INPP4B: variants seen among roughly 807,000 people sequenced by gnomAD.
INPP4B encodes inositol polyphosphate 4-phosphatase type II.
Under a neutral mutation model 122.5 loss-of-function variants are expected in INPP4B, and 55 were observed. The ratio of observed to expected loss-of-function variants is 0.45; its 90% CI spans 0.36 to 0.56. INPP4B has a LOEUF of 0.56. Ranked by LOEUF, INPP4B falls within the 20% of genes least tolerant of loss-of-function variation. INPP4B has a pLI of 0.00. For synonymous variants in INPP4B, 403 were observed against 388.7 expected (o/e 1.04, Z -0.43); for missense variants, 1,000 against 1,097.7 (o/e 0.91, Z 1.26).
intron 1 of INPP4B, among the ~76,000 whole-genome samples, chr4:142,762,840 G>C (rs1385679607): frequency 6.6e-6 from 1 of 152,152 alleles, no homozygotes; most frequent in Non-Finnish European, 1.5e-5. Context: ...GCATTAAGAA[G>C]TAGGGCTTTT....
chr4:142,065,365 C>T (rs1449483745), intron 25 of INPP4B, among the ~76,000 whole-genome samples: 2 of 151,988 alleles, frequency 1.3e-5, no homozygotes, highest in Non-Finnish European at 2.9e-5. Flanking sequence ...AAGGAAACTA[C>T]AAAATTAAAG....
chr4:142,540,904 C>A (rs1481740542), intron 2 of INPP4B, among the ~76,000 whole-genome samples: 1 of 152,118 alleles, frequency 6.6e-6, no homozygotes, highest in Non-Finnish European at 1.5e-5. Context: ...GTTCTGGCCA[C>A]AAACAAATAT....
At chr4:142,296,586 T>A (rs1022524781) in intron 9 of INPP4B, among the ~76,000 whole-genome samples, 21 of 152,372 alleles carry the variant, frequency 1.4e-4, no homozygotes, top group Non-Finnish European at 2.8e-4. Context: ...CATTAGTAAC[T>A]CATGTGATCC....
intron 1 of INPP4B, among the ~76,000 whole-genome samples, chr4:142,782,466 A>G (rs1486695517): frequency 6.6e-6 from 1 of 151,970 alleles, no homozygotes; most frequent in African/African-American, 2.4e-5. Context: ...TCTTTATAGC[A>G]GCATGATTTG....
At chr4:142,179,391 T>C (rs1194115469) in intron 15 of INPP4B, among the ~76,000 whole-genome samples, 2 of 146,562 alleles carry the variant, frequency 1.4e-5, no homozygotes, top group Non-Finnish European at 3.0e-5. Context: ...GAGAATTGCT[T>C]GAACTCGGGA....
At chr4:142,268,345 A>AAAAAAAAAAAAAAAAAAAAAAAGAAAAG (rs1561687873) in intron 10 of INPP4B, among the ~76,000 whole-genome samples, 1 of 145,676 alleles carries the variant, frequency 6.9e-6, no homozygotes, top group Non-Finnish European at 1.5e-5. Flanking sequence ...AAAAAAAAAA[A>AAAAAAAAAAAAAAAAAAAAAAAGAAAAG]ATGAGGGGTA....
At chr4:142,756,087 A>G (rs1317403749) in intron 1 of INPP4B, among the ~76,000 whole-genome samples, 1 of 152,044 alleles carries the variant, frequency 6.6e-6, no homozygotes, top group Non-Finnish European at 1.5e-5. Context: ...TCTGGGGTAT[A>G]TGATATAGTG....
chr4:142,494,080 T>C (rs1822218452), intron 2 of INPP4B, among the ~76,000 whole-genome samples: 1 of 152,194 alleles, frequency 6.6e-6, no homozygotes, highest in South Asian at 2.1e-4. Context: ...TTCTTACTGC[T>C]GCCATTTGAA....
chr4:142,125,940 A>C (rs1442890919), intron 18 of INPP4B, among the ~76,000 whole-genome samples: 1 of 152,172 alleles, frequency 6.6e-6, no homozygotes, highest in Non-Finnish European at 1.5e-5. Flanking sequence ...AAGTTTAAGT[A>C]AGTCAAGTTT....
At chr4:142,116,380 C>T (rs1793436895) in intron 21 of INPP4B, among the ~76,000 whole-genome samples, 1 of 152,182 alleles carries the variant, frequency 6.6e-6, no homozygotes, top group African/African-American at 2.4e-5. Flanking sequence ...CACCACATCA[C>T]ACTTATTCCA....
chr4:142,793,227 C>G (rs764566850), intron 1 of INPP4B, among the ~76,000 whole-genome samples: 10 of 152,044 alleles, frequency 6.6e-5, no homozygotes, highest in Non-Finnish European at 1.5e-4. Context: ...ATAAATTACC[C>G]TTAGCAATAA....
chr4:142,467,311 G>A (rs2149645453), intron 2 of INPP4B, among the ~76,000 whole-genome samples: 1 of 152,330 alleles, frequency 6.6e-6, no homozygotes, highest in African/African-American at 2.4e-5. Flanking sequence ...CAGGGGCAGG[G>A]CTTCCTCAGG....
intron 10 of INPP4B, among the ~76,000 whole-genome samples, chr4:142,263,482 C>G (rs1296195140): frequency 6.6e-6 from 1 of 151,476 alleles, no homozygotes. Flanking sequence ...AGCTTTACTT[C>G]TTTAAAGTAA....
chr4:142,268,435 A>G (rs1308505141), intron 10 of INPP4B, among the ~76,000 whole-genome samples: 4 of 151,584 alleles, frequency 2.6e-5, no homozygotes, highest in Non-Finnish European at 5.9e-5. Context: ...TACAACCATT[A>G]TGGAAAACAA....
chr4:142,280,103 C>T (rs1239163049), intron 9 of INPP4B, among the ~76,000 whole-genome samples: 1 of 151,804 alleles, frequency 6.6e-6, no homozygotes, highest in Non-Finnish European at 1.5e-5. Flanking sequence ...CTGACTGAAA[C>T]TCTCATACAT....
chr4:142,792,323 G>A (rs539606840), intron 1 of INPP4B, among the ~76,000 whole-genome samples: 12 of 151,818 alleles, frequency 7.9e-5, no homozygotes, highest in Non-Finnish European at 1.3e-4. Flanking sequence ...TTTAGAAAAT[G>A]TAAAAGAGAA....
At chr4:142,296,766 A>C (rs908004806) in intron 9 of INPP4B, among the ~76,000 whole-genome samples, 2 of 152,172 alleles carry the variant, frequency 1.3e-5, no homozygotes, top group African/African-American at 4.8e-5. Flanking sequence ...TCCTAATCTC[A>C]CATTTGCATG....
chr4:142,709,823 C>A (rs901869389), intron 2 of INPP4B, among the ~76,000 whole-genome samples: 5 of 152,106 alleles, frequency 3.3e-5, no homozygotes, highest in African/African-American at 1.2e-4. Flanking sequence ...ATCTGTAACC[C>A]CCTCTATCTA....
At chr4:142,824,918 A>G (rs1781270428) in intron 1 of INPP4B, among the ~76,000 whole-genome samples, 1 of 152,138 alleles carries the variant, frequency 6.6e-6, no homozygotes, top group Non-Finnish European at 1.5e-5. Context: ...TTTCATTGAC[A>G]AAGTGTTGAG....
Sources: allele counts gnomAD v4.1 joint callset (sites outside exome capture counted in the v4.1 genomes callset), GRCh38; gene constraint gnomAD v4.1.1; transcripts MANE v1.5; gene names NCBI Gene and HGNC (gene_info 2026-07-23, HGNC 2026-07-21).